KIAA0513: variants seen among roughly 807,000 people sequenced by gnomAD.
KIAA0513 encodes the protein KIAA0513.
A neutral mutation model predicts 56.5 loss-of-function variants in KIAA0513; 39 were observed. The observed-to-expected ratio is 0.69, with a 90% confidence interval of 0.53 to 0.90. The LOEUF (loss-of-function observed/expected upper bound fraction) is 0.90, where lower values mean the gene tolerates loss of function less well. Among genes scored for constraint, KIAA0513 ranks in the 40% least tolerant of loss-of-function variants. The pLI, the probability that KIAA0513 is intolerant of heterozygous loss-of-function variation, is 0.00. For missense variants in KIAA0513, 591 were observed against 535.2 expected, an observed-to-expected ratio of 1.10 and a Z score of -1.03; for synonymous variants, 268 against 215.6, an observed-to-expected ratio of 1.24 and a Z score of -2.13.
intron 10 of KIAA0513, among the ~76,000 whole-genome samples, chr16:85,084,922 G>T (rs757086804): frequency 1.3e-5 from 2 of 152,228 alleles, no homozygotes; most frequent in Non-Finnish European, 2.9e-5. Context: ...TACTGCCAGT[G>T]ACCATTTACC....
chr16:85,066,175 G>A (rs990304025), intron 1 of KIAA0513, among the ~76,000 whole-genome samples: 6 of 152,198 alleles, frequency 3.9e-5, no homozygotes, highest in African/African-American at 1.4e-4. Flanking sequence ...GGAGCAGAGT[G>A]GAGCTTCTCA....
chr16:85,069,071 C>T (rs1472071407), intron 2 of KIAA0513, among the ~76,000 whole-genome samples: 1 of 152,024 alleles, frequency 6.6e-6, no homozygotes, highest in Non-Finnish European at 1.5e-5. Context: ...TACTCTGTTG[C>T]CCAGGCTGGA....
At chr16:85,037,510 C>G (rs889001637) in intron 1 of KIAA0513, among the ~76,000 whole-genome samples, 1 of 152,118 alleles carries the variant, frequency 6.6e-6, no homozygotes, top group African/African-American at 2.4e-5. Flanking sequence ...AACACAGTGT[C>G]CATATGTCAA....
At chr16:85,087,750 G>C (rs1172364299) in intron 12 of KIAA0513, among the ~76,000 whole-genome samples, 1 of 152,214 alleles carries the variant, frequency 6.6e-6, no homozygotes, top group African/African-American at 2.4e-5. Context: ...GCGTGGGTAC[G>C]GATTGACCCA....
intron 1 of KIAA0513, among the ~76,000 whole-genome samples, chr16:85,058,284 G>A (rs765798886): frequency 2.6e-5 from 4 of 152,152 alleles, no homozygotes; most frequent in Non-Finnish European, 5.9e-5. Context: ...ACCTAGTAGC[G>A]GGATCCAGCC....
chr16:85,072,802 A>T, intron 3 of KIAA0513, 123 bp from the exon 4 acceptor site: 1 of 926,316 alleles, frequency 1.1e-6, no homozygotes, highest in Non-Finnish European at 1.7e-6. Flanking sequence ...CAGAGGCAGC[A>T]GACATCCTGG....
chr16:85,050,659 C>G (rs898456389), intron 1 of KIAA0513, among the ~76,000 whole-genome samples: 2 of 152,194 alleles, frequency 1.3e-5, no homozygotes, highest in African/African-American at 4.8e-5. Context: ...CTTCCCTCCC[C>G]AATCCCCTGG....
intron 1 of KIAA0513, among the ~76,000 whole-genome samples, chr16:85,057,394 A>G (rs576963486): frequency 1.3e-5 from 2 of 152,304 alleles, no homozygotes; most frequent in South Asian, 4.1e-4. Context: ...GGGCGACGGG[A>G]GGAGGTGTGT....
intron 1 of KIAA0513, among the ~76,000 whole-genome samples, chr16:85,041,897 G>T (rs1214548751): frequency 6.6e-6 from 1 of 152,224 alleles, no homozygotes. Flanking sequence ...CTGGGCTTCA[G>T]TGTCCCGCTC....
chr16:85,052,034 C>T (rs746053110), intron 1 of KIAA0513, among the ~76,000 whole-genome samples: 9 of 151,920 alleles, frequency 5.9e-5, no homozygotes, highest in Non-Finnish European at 7.4e-5. Context: ...TCTAAAACGA[C>T]GCATTGGCCA....
chr16:85,072,054 T>A (rs1443519493), intron 3 of KIAA0513, among the ~76,000 whole-genome samples, 172 bp downstream of exon 3: 1 of 152,046 alleles, frequency 6.6e-6, no homozygotes, highest in African/African-American at 2.4e-5. Context: ...AAGGAGTGTT[T>A]AGAATAGTAA....
intron 2 of KIAA0513, among the ~76,000 whole-genome samples, chr16:85,067,803 CT>C (rs1027053042): frequency 2.6e-5 from 4 of 152,022 alleles, no homozygotes; most frequent in African/African-American, 7.3e-5. Flanking sequence ...ATTTTCTTTT[CT>C]TTTTTTCTTT....
chr16:85,053,974 G>C (rs2073291168), intron 1 of KIAA0513, among the ~76,000 whole-genome samples: 1 of 139,522 alleles, frequency 7.2e-6, no homozygotes, highest in Admixed American at 7.4e-5. Context: ...CCTGGCGACA[G>C]AGCAAGACTC....
intron 1 of KIAA0513, among the ~76,000 whole-genome samples, chr16:85,040,171 G>T (rs543825863): frequency 2.6e-5 from 4 of 152,214 alleles, no homozygotes; most frequent in Non-Finnish European, 4.4e-5. Context: ...TGCAGAGATT[G>T]AGATTCTTTG....
chr16:85,061,121 C>G (rs1002621758), intron 1 of KIAA0513, among the ~76,000 whole-genome samples: 1 of 151,572 alleles, frequency 6.6e-6, no homozygotes, highest in African/African-American at 2.4e-5. Flanking sequence ...CCACTGCACT[C>G]CATCCAGCCT....
At chr16:85,085,610 G>T (rs745737553) in intron 10 of KIAA0513, among the ~76,000 whole-genome samples, 3 of 152,244 alleles carry the variant, frequency 2.0e-5, no homozygotes, top group Non-Finnish European at 4.4e-5. Flanking sequence ...TGGTGTCCAG[G>T]GAGTTGTGTA....
intron 8 of KIAA0513, 48 bp downstream of exon 8, chr16:85,079,051 A>G (rs1221232532): frequency 1.9e-6 from 3 of 1,613,736 alleles, no homozygotes; most frequent in Non-Finnish European, 2.5e-6. Context: ...TGACGGGGCC[A>G]GCAGTCACTC....
At chr16:85,052,971 A>G (rs909164195) in intron 1 of KIAA0513, among the ~76,000 whole-genome samples, 4 of 151,814 alleles carry the variant, frequency 2.6e-5, no homozygotes, top group African/African-American at 7.3e-5. Context: ...GCTCACTGCA[A>G]CCTCCTCCCA....
At position 85,072,960 on chromosome 16, in the gene KIAA0513, C is replaced by T; in HGVS notation, c.465C>T (p.Phe155=). The T allele has an allele frequency of 6.2e-7, 1 of 1,614,224 alleles. No homozygotes were observed. The highest frequency in any genetic ancestry group is 8.5e-7 in the Non-Finnish European group (1 of 1,180,032). The change falls in exon 4 of 13, where the codon TTC becomes TTT. Residue 155 remains phenylalanine (F), a synonymous_variant. Transcript: ENST00000683363. ...CCAAGTGTGTCTCAGAGGCAACCTT[C>T]TACCGCCTGGTGCAGTCTTTTGCAG... The part of the protein sequence containing the change: ...CNSKCVSEAT[F]YRLVQSFAVV...
Sources: gnomAD v4.1 joint callset for allele counts (sites outside exome capture counted in the v4.1 genomes callset) on GRCh38, gnomAD v4.1.1 for gene constraint, MANE v1.5 for transcripts, NCBI Gene and HGNC (gene_info 2026-07-23, HGNC 2026-07-21) for gene names.